Variants in OGA observed in about 807,000 individuals in gnomAD.
OGA encodes O-GlcNAcase, also known as protein O-GlcNAcase.
A neutral mutation model predicts 102.0 loss-of-function variants in OGA; 21 were observed. That is an observed-to-expected ratio of 0.21 (90% CI 0.15 to 0.30). The LOEUF (loss-of-function observed/expected upper bound fraction) is 0.30, where lower values mean the gene tolerates loss of function less well. Ranked by LOEUF, OGA falls within the 10% of genes least tolerant of loss-of-function variation. The pLI, the probability that OGA is intolerant of heterozygous loss-of-function variation, is 1.00. For synonymous variants in OGA, 408 were observed against 378.2 expected (o/e 1.08, Z -0.91); for missense variants, 765 against 1,107.8 (o/e 0.69, Z 4.39).
Position 101,784,748 on chromosome 10 carries a change from A to G in OGA, c.*1703T>C, listed in dbSNP as rs1349153027. On this transcript the variant is annotated 3_prime_UTR_variant, in exon 16 of 16. Transcript: ENST00000361464. ...TTAACTCTGAAATCCTCCAAACAAA[A>G]TGCTAGAATTGTCCACTAGTGTTAA... The G allele has an allele frequency of 6.6e-6, 1 of 152,212 alleles. No homozygotes were observed. The highest frequency in any genetic ancestry group is 1.5e-5 in the Non-Finnish European group (1 of 68,028). The allele number at this position is 152,212 out of a possible 1,614,324, so 9.4% of individuals were successfully genotyped here. A position where few individuals can be genotyped will look rare whatever the true frequency, so the allele number is the denominator to read the frequency against.
intron 8 of OGA, 73 bp from the exon 9 acceptor site, chr10:101,799,528 T>A: frequency 7.1e-7 from 1 of 1,402,426 alleles, no homozygotes; most frequent in Non-Finnish European, 9.7e-7. Context: ...ACACATTAGA[T>A]TCAGAAAGAT....
At position 101,818,163 on chromosome 10, in the gene OGA, C is replaced by T; in HGVS notation, c.-141G>A. On this transcript the variant is annotated 5_prime_UTR_variant, in exon 1 of 16. Transcript: ENST00000361464. ...CTTCCCCTCCCCCTCTGCCCTTCCC[C>T]CTCCCTCTCCGCAGGGACCCGAATG... 3 of 1,367,592 alleles carry T rather than the reference C, an allele frequency of 2.2e-6. No homozygotes were observed. Among genetic ancestry groups the T allele is most frequent in the Non-Finnish European group, 2.8e-6 (3 of 1,063,342 alleles). 84.7% of individuals were successfully genotyped at this position (1,367,592 alleles called of 1,614,324 possible). A position where few individuals can be genotyped will look rare whatever the true frequency, so the allele number is the denominator to read the frequency against.
Position 101,818,365 on chromosome 10 carries a change from T to G in OGA, c.-343A>C. 1 of 1,062,792 alleles carries G rather than the reference T, an allele frequency of 9.4e-7. No homozygotes were observed. The highest frequency in any genetic ancestry group is 3.7e-5 in the South Asian group (1 of 26,876). 65.8% of individuals were successfully genotyped at this position (1,062,792 alleles called of 1,614,324 possible). ...GCCTCTGCTGCCCTCCCGATAATCTTAGGTCTTCCGCTGTTTCCCCTCCAA... is the reference window on the plus strand; with the variant it reads ...GCCTCTGCTGCCCTCCCGATAATCTGAGGTCTTCCGCTGTTTCCCCTCCAA... On this transcript the variant is annotated 5_prime_UTR_variant, in exon 1 of 16. Coordinates refer to ENST00000361464, the MANE Select transcript of OGA (RefSeq NM_012215.5).
chr10:101,801,091 G>A (rs1368410740), intron 7 of OGA, among the ~76,000 whole-genome samples: 5 of 151,678 alleles, frequency 3.3e-5, no homozygotes, highest in South Asian at 4.2e-4. Flanking sequence ...TAATAAAGGC[G>A]CTGAGGGAAA....
At chr10:101,799,592 C>A in intron 8 of OGA, 137 bp from the exon 9 acceptor site, 2 of 937,352 alleles carry the variant, frequency 2.1e-6, no homozygotes, top group Non-Finnish European at 3.1e-6. Flanking sequence ...ATTAATTTGA[C>A]CTCTAAGAAA....
intron 1 of OGA, among the ~76,000 whole-genome samples, chr10:101,817,622 T>A (rs546569423): frequency 6.6e-6 from 1 of 151,928 alleles, no homozygotes; most frequent in Admixed American, 6.6e-5. Flanking sequence ...GACTTGTGAG[T>A]GGCCAGGGGG....
chr10:101,813,650 T>G (rs771160479), intron 1 of OGA, 44 bp from the exon 2 acceptor site: 6 of 1,273,518 alleles, frequency 4.7e-6, no homozygotes, highest in Non-Finnish European at 6.7e-6. Context: ...TTTTAAAATG[T>G]GGTAAGCTTT....
chr10:101,813,130 T>C lies in OGA; in HGVS notation c.252-3A>G. On this transcript the variant is annotated splice_polypyrimidine_tract_variant and splice_region_variant and intron_variant, in intron 2 of 15. Transcript: ENST00000361464. Reference sequence around the variant, plus strand: ...TATTTAATTCCCATTTCTGGAGCCTTAAGGAGAAAGAAAATTACATATGTA... The same window carrying C: ...TATTTAATTCCCATTTCTGGAGCCTCAAGGAGAAAGAAAATTACATATGTA... 6.3e-7 allele frequency: 1 copy of C among 1,587,344 alleles called. No homozygotes were observed. Among genetic ancestry groups the C allele is most frequent in the Non-Finnish European group, 8.6e-7 (1 of 1,163,910 alleles).
At chr10:101,805,998 A>T (rs2065467832) in intron 6 of OGA, 47 bp downstream of exon 6, 1 of 1,285,802 alleles carries the variant, frequency 7.8e-7, no homozygotes, top group African/African-American at 1.5e-5. Context: ...AATTTCTGCA[A>T]GTCCTACTTA....
Position 101,803,463 on chromosome 10 carries a change from C to CA in OGA, c.1036+271dup, listed in dbSNP as rs891830325. Among the ~76,000 whole-genome samples the CA allele has an allele frequency of 9.1e-3, 1,084 of 118,900 alleles. 5 individuals are homozygous for CA. Among genetic ancestry groups the CA allele is most frequent in the South Asian group, 0.013 (48 of 3,714 alleles). 78.0% of individuals were successfully genotyped at this position (118,900 alleles called of 152,430 possible). A position where few individuals can be genotyped will look rare whatever the true frequency, so the allele number is the denominator to read the frequency against. ...TGAATCATACTAAAAAAAAAAAAAA[C>CA]AAAAAAAAAAAAACTAAGGCAAAGA... On this transcript the variant is annotated intron_variant, in intron 7 of 15. Transcript: ENST00000361464.
chr10:101,807,565 T>C (rs576254785), intron 5 of OGA, among the ~76,000 whole-genome samples, 165 bp downstream of exon 5: 21 of 152,348 alleles, frequency 1.4e-4, no homozygotes, highest in African/African-American at 5.0e-4. Context: ...TATTAGTTCC[T>C]AAAATTTCTC....
rs140722481 is a variant in OGA, at chr10:101,796,567, C to A, written c.1984+1413G>T. Among the ~76,000 whole-genome samples, 99 of 151,718 alleles carry A rather than the reference C, an allele frequency of 6.5e-4. No homozygotes were observed. In the East Asian group the frequency reaches 0.018, roughly 28 times the overall value. On this transcript the variant is annotated intron_variant, in intron 10 of 15. Coordinates refer to ENST00000361464, the MANE Select transcript of OGA (RefSeq NM_012215.5). ...GAGCCGCTGCGCACGGTCAGTATTT[C>A]CTTTATTTATTTATTTATTTTGAGA... is the stretch of plus-strand genomic sequence containing the variant.
rs374574315 is a variant in OGA at position 101,790,876 on chromosome 10, A to G, written c.2454+20T>C. 4.6e-6 allele frequency: 7 copies of G among 1,521,452 alleles called. No individual in the cohort carries two copies. Among genetic ancestry groups the G allele is most frequent in the African/African-American group, 1.4e-5 (1 of 70,998 alleles). 94.2% of individuals were successfully genotyped at this position (1,521,452 alleles called of 1,614,324 possible). A position where few individuals can be genotyped will look rare whatever the true frequency, so the allele number is the denominator to read the frequency against. ...TAAAAAAGACCATTACCATAGTATA[A>G]TTCTTAACCTTTGTATTACCTCAGC... On this transcript the variant is annotated intron_variant, in intron 14 of 15. Coordinates refer to ENST00000361464, the MANE Select transcript of OGA (RefSeq NM_012215.5).
intron 3 of OGA, chr10:101,812,824 G>A (rs772613837): frequency 4.6e-5 from 29 of 635,296 alleles, no homozygotes; most frequent in Middle Eastern, 2.5e-4. Context: ...AGCCTAGCAC[G>A]CCCATGATAT....
Position 101,817,858 on chromosome 10 carries a change from T to C in OGA, c.165A>G (p.Gly55=). 6.5e-7 allele frequency: 1 copy of C among 1,544,426 alleles called. No individual in the cohort carries two copies. The highest frequency in any genetic ancestry group is 8.7e-7 in the Non-Finnish European group (1 of 1,148,408). The change falls in exon 1 of 16, where the codon GGA becomes GGG. Residue 55 remains glycine, a synonymous_variant. Transcript: ENST00000361464. Reference sequence around the variant, plus strand: ...CACCGCAGAGGAACCGCCGAGCCCCTCCTGCAGCCCCGGCCACCGCCGCTC... The same window carrying C: ...CACCGCAGAGGAACCGCCGAGCCCCCCCTGCAGCCCCGGCCACCGCCGCTC... ...AGGAAVAGAA[G]GARRFLCGVV...
intron 2 of OGA, 71 bp from the exon 3 acceptor site, chr10:101,813,198 T>C: frequency 6.1e-6 from 6 of 979,242 alleles, no homozygotes; most frequent in Non-Finnish European, 8.0e-6. Flanking sequence ...CATTTCCCTC[T>C]TCTTGGAGCA....
In OGA at chr10:101,810,222, G is replaced by A; in HGVS notation, c.442C>T (p.Pro148Ser). ...CGTTTCAATGTGGATACTTCCTTGG[G>A]GTTAGAAAAAGTGATATCCAATCCA... is the stretch of plus-strand genomic sequence containing the variant. ...SPGLDITFSN[P>S]KEVSTLKRKL... Residue 148 changes from proline (P) to serine (S), a missense_variant, in exon 4 of 16, where the codon CCC becomes TCC. By Grantham distance (74) the Pro-to-Ser change is moderately conservative. Transcript: ENST00000361464. 9 of 1,612,660 alleles carry A rather than the reference G, an allele frequency of 5.6e-6. No homozygotes were observed. Among genetic ancestry groups the A allele is most frequent in the Non-Finnish European group, 6.8e-6 (8 of 1,178,962 alleles).
Position 101,803,764 on chromosome 10 carries a change from A to C in OGA, c.1007T>G (p.Met336Arg). 6.2e-7 allele frequency: 1 copy of C among 1,614,096 alleles called. No homozygotes were observed. The highest frequency in any genetic ancestry group is 8.5e-7 in the Non-Finnish European group (1 of 1,179,984). Residue 336 changes from methionine (M) to arginine (R), a missense_variant, in exon 7 of 16, where the codon ATG becomes AGG. Met to Arg is a moderately conservative substitution (Grantham distance 91, BLOSUM62 -1). Around this residue, in one of 7 missense-constraint regions of OGA, gnomAD observed 33 missense variants for 52.5 expected, o/e 0.63. Transcript: ENST00000361464. Reference sequence around the variant, plus strand: ...CACTACATCTTTTCTCACTCCATTCATGTTTGATTTGTACCAGGTGGCAAG... The same window carrying C: ...CACTACATCTTTTCTCACTCCATTCCTGTTTGATTTGTACCAGGTGGCAAG... ...HTLATWYKSN[M>R]NGVRKDVVMT...
intron 14 of OGA, among the ~76,000 whole-genome samples, chr10:101,790,163 G>T (rs1392641499): frequency 1.3e-5 from 2 of 151,374 alleles, no homozygotes; most frequent in African/African-American, 4.9e-5. Context: ...AATGTAGAAT[G>T]CATTAGTCAG....
Sources: allele counts gnomAD v4.1 joint callset (sites outside exome capture counted in the v4.1 genomes callset), GRCh38; gene constraint gnomAD v4.1.1; regional missense constraint gnomAD v4.1.1; transcripts MANE v1.5; gene names NCBI Gene and HGNC (gene_info 2026-07-23, HGNC 2026-07-21).